The following SLC4A9 variants were observed in gnomAD, a reference collection of about 807,000 sequenced individuals.
The protein encoded by SLC4A9 is anion exchange protein 4.
SLC4A9 carries 102 observed loss-of-function variants against 103.2 expected under a neutral mutation model. The observed-to-expected ratio is 0.99, with a 90% CI of 0.84 to 1.17. The LOEUF is 1.17. SLC4A9 is among the 50% of genes most tolerant of loss of function. The pLI, the probability that SLC4A9 is intolerant of heterozygous loss-of-function variation, is 0.00. For missense variants in SLC4A9, 1,091 were observed against 1,193.7 expected (o/e 0.91, Z 1.27); for synonymous variants, 453 against 483.6 (o/e 0.94, Z 0.83).
At position 140,363,277 on chromosome 5, in the gene SLC4A9, G is replaced by A. The variant is rs1581136640; in HGVS notation, c.963-162G>A. Among the ~76,000 whole-genome samples, 1 of 152,308 alleles carries A rather than the reference G, an allele frequency of 6.6e-6. No homozygotes were observed. Among genetic ancestry groups the A allele is most frequent in the East Asian group, 1.9e-4 (1 of 5,180 alleles). ...CCCTGCCCGAGCCTGGCTTTCACAG[G>A]TCGCAATATGACCTGGACCTTCTAG... On this transcript the variant is annotated intron_variant, in intron 7 of 21. Coordinates refer to ENST00000506757, the MANE Select transcript of SLC4A9 (RefSeq NM_031467.3). This position sits in a 1 kb window ranked among gnomAD's most constrained non-coding sequence, Gnocchi z 4.5.
intron 14 of SLC4A9, among the ~76,000 whole-genome samples, chr5:140,366,633 A>G (rs1767931486): frequency 6.6e-6 from 1 of 152,248 alleles, no homozygotes; most frequent in Non-Finnish European, 1.5e-5. Context: ...AAATGACAAT[A>G]GTTCCTACCC....
intron 21 of SLC4A9, among the ~76,000 whole-genome samples, 171 bp downstream of exon 21, chr5:140,373,014 T>C (rs946307836): frequency 2.6e-5 from 4 of 152,190 alleles, no homozygotes; most frequent in Non-Finnish European, 5.9e-5. Flanking sequence ...GAAGAGTAAC[T>C]GGCAAGGGTG....
chr5:140,360,517 G>A (rs1766909274), intron 1 of SLC4A9, 51 bp downstream of exon 1: 12 of 1,493,102 alleles, frequency 8.0e-6, no homozygotes, highest in Non-Finnish European at 9.1e-6. Flanking sequence ...TCCCCAGCTG[G>A]AGCCTCCTAT....
At chr5:140,365,701 T>C in intron 12 of SLC4A9, 123 bp downstream of exon 12, 1 of 1,414,652 alleles carries the variant, frequency 7.1e-7, no homozygotes, top group Non-Finnish European at 9.8e-7. Flanking sequence ...GCTTAGCCAT[T>C]TCCTACAGCT....
At chr5:140,367,015 G>A (rs79984700) in intron 14 of SLC4A9, among the ~76,000 whole-genome samples, 1,967 of 152,310 alleles carry the variant, frequency 0.013, 33 homozygotes, top group African/African-American at 0.042. Flanking sequence ...TGTAATCAGC[G>A]TGGACACAGA....
rs1163760751 is a variant in SLC4A9, at chr5:140,374,833, A to G, written c.*52A>G. 6.6e-6 allele frequency: 1 copy of G among 152,158 alleles called. No individual in the cohort carries two copies. Among genetic ancestry groups the G allele is most frequent in the Non-Finnish European group, 1.5e-5 (1 of 68,046 alleles). The allele number at this position is 152,158 out of a possible 1,614,324, so 9.4% of individuals were successfully genotyped here. ...CCTTTGGCTTAACTTCCAGATGCTC[A>G]GTCGGCTTGGGGAAGGACTGAAGGG... On this transcript the variant is annotated 3_prime_UTR_variant, in exon 22 of 22. Transcript: ENST00000506757.
chr5:140,363,542 C>G lies in SLC4A9; in HGVS notation c.1066C>G (p.Gln356Glu), dbSNP rs1767423769. Reference protein sequence around the residue: ...HGPHAHSPELQRTGRLFGGLI... With the variant: ...HGPHAHSPELERTGRLFGGLI... ...GCCACACGCACACAGCCCGGAGTTG[C>G]AGCGGACCGGCAGGTGAGGCGAGCT... Residue 356 changes from glutamine to glutamate, a missense_variant, in exon 8 of 22, where the codon CAG (glutamine) becomes GAG (glutamate). Coordinates refer to ENST00000506757, the MANE Select transcript of SLC4A9 (RefSeq NM_031467.3). This position sits in a 1 kb window ranked among gnomAD's most constrained non-coding sequence, Gnocchi z 4.5. 6.4e-7 allele frequency: 1 copy of G among 1,552,980 alleles called. No individual in the cohort carries two copies. Among genetic ancestry groups the G allele is most frequent in the Non-Finnish European group, 8.7e-7 (1 of 1,148,186 alleles).
At chr5:140,362,286 G>A in intron 5 of SLC4A9, 112 bp downstream of exon 5, 1 of 1,311,844 alleles carries the variant, frequency 7.6e-7, no homozygotes, top group Non-Finnish European at 1.0e-6. Flanking sequence ...GGAGGATGGT[G>A]CTCAGGGGTC....
intron 10 of SLC4A9, 21 bp downstream of exon 10, chr5:140,364,208 A>G (rs758404577): frequency 1.3e-6 from 2 of 1,563,914 alleles, no homozygotes; most frequent in African/African-American, 2.7e-5. Context: ...TCCCCCCATC[A>G]CCGGACCCTC....
intron 11 of SLC4A9, among the ~76,000 whole-genome samples, 154 bp downstream of exon 11, chr5:140,364,779 A>G (rs1480438810): frequency 1.3e-5 from 2 of 152,244 alleles, no homozygotes; most frequent in Non-Finnish European, 2.9e-5. Flanking sequence ...TTCTGAATCA[A>G]TTGAGAAATA....
chr5:140,361,279 G>T lies in SLC4A9; in HGVS notation c.417G>T (p.Leu139=). 1 of 1,569,166 alleles carries T rather than the reference G, an allele frequency of 6.4e-7. No homozygotes were observed. Among genetic ancestry groups the T allele is most frequent in the Non-Finnish European group, 8.6e-7 (1 of 1,156,978 alleles). The part of the protein sequence containing the change: ...LVEQVTRVES[L]SPELRGQLQA... The stretch of plus-strand genomic sequence containing the variant: ...AGCAGGTGACCAGGGTGGAGTCGCT[G>T]AGCCCAGAGCTGAGAGGGCAGTTGC... Residue 139 remains leucine, a synonymous_variant, in exon 3 of 22, where the codon CTG becomes CTT. Coordinates refer to ENST00000506757, the MANE Select transcript of SLC4A9 (RefSeq NM_031467.3).
intron 18 of SLC4A9, 29 bp downstream of exon 18, chr5:140,371,192 GA>G: frequency 6.3e-7 from 1 of 1,582,056 alleles, no homozygotes; most frequent in Non-Finnish European, 8.6e-7. Context: ...CCTAACAAAA[GA>G]AAAAAGAAGA....
intron 18 of SLC4A9, 66 bp from the exon 19 acceptor site, chr5:140,371,385 T>C: frequency 6.3e-7 from 1 of 1,584,796 alleles, no homozygotes. Flanking sequence ...CTATGATAGC[T>C]ATCAGTGACA....
rs560296591 is a variant in SLC4A9, at chr5:140,368,776, T to A, written c.2427+117T>A. 5.3e-6 allele frequency: 4 copies of A among 760,736 alleles called. No homozygotes were observed. The Admixed American group carries it at 1.0e-4, about 20-fold the overall frequency. 47.1% of individuals were successfully genotyped at this position (760,736 alleles called of 1,614,324 possible). A position where few individuals can be genotyped will look rare whatever the true frequency, so the allele number is the denominator to read the frequency against. ...CAGGTGCTCTGTTAAGTTTTCTCCA[T>A]ACATGGTCTCATTTAATCCTCACAT... On this transcript the variant is annotated intron_variant, in intron 17 of 21. Transcript: ENST00000506757.
intron 21 of SLC4A9, among the ~76,000 whole-genome samples, chr5:140,374,550 CAAAAAAAA>C (rs70988749): frequency 4.2e-5 from 2 of 47,660 alleles, no homozygotes; most frequent in African/African-American, 1.7e-4. Context: ...AACTCCCTCT[CAAAAAAAA>C]AAAAAAAAAA....
Position 140,365,545 on chromosome 5 carries a change from A to G in SLC4A9, c.1677A>G (p.Thr559=). Reference sequence around the variant, plus strand: ...GAAATGAGTCTCAATGGATAAGGACAAGGCCAAAAGACAGAGACGACATTG... The same window carrying G: ...GAAATGAGTCTCAATGGATAAGGACGAGGCCAAAAGACAGAGACGACATTG... The part of the protein sequence containing the change: ...PGGNESQWIR[T]RPKDRDDIVS... Residue 559 remains threonine, a synonymous_variant, in exon 12 of 22, where the codon ACA becomes ACG. Coordinates refer to ENST00000506757, the MANE Select transcript of SLC4A9 (RefSeq NM_031467.3). 6.2e-7 allele frequency: 1 copy of G among 1,611,942 alleles called. No homozygotes were observed. The highest frequency in any genetic ancestry group is 8.5e-7 in the Non-Finnish European group (1 of 1,178,998).
At chr5:140,374,170 C>T (rs754122904) in intron 21 of SLC4A9, among the ~76,000 whole-genome samples, 24 of 151,346 alleles carry the variant, frequency 1.6e-4, no homozygotes, top group Non-Finnish European at 3.1e-4. Flanking sequence ...GCCTGGGCGA[C>T]GGAGCGAGAC....
At position 140,372,863 on chromosome 5, in the gene SLC4A9, G is replaced by A; in HGVS notation, c.*45+20G>A. ...CATGAGGTGAGGGTGTGAGGGAAGTGCTCCTGATGTTGAGGATGGGAGGTG... is the reference window on the plus strand; with the variant it reads ...CATGAGGTGAGGGTGTGAGGGAAGTACTCCTGATGTTGAGGATGGGAGGTG... On this transcript the variant is annotated intron_variant, in intron 21 of 21. Coordinates refer to ENST00000506757, the MANE Select transcript of SLC4A9 (RefSeq NM_031467.3). 1 of 1,412,372 alleles carries A rather than the reference G, an allele frequency of 7.1e-7. No individual in the cohort carries two copies. The highest frequency in any genetic ancestry group is 9.5e-7 in the Non-Finnish European group (1 of 1,047,248). The allele number at this position is 1,412,372 out of a possible 1,614,324, so 87.5% of individuals were successfully genotyped here.
At position 140,364,304 on chromosome 5, in the gene SLC4A9, G is replaced by A. The variant is rs1249719097; in HGVS notation, c.1389-59G>A. 3.7e-6 allele frequency: 6 copies of A among 1,605,494 alleles called. No homozygotes were observed. In the African/African-American group the frequency reaches 8.0e-5, roughly 21 times the overall value. ...TTTGGGTTGAGGGACACCTGACCTG[G>A]GTTTAGTGGGAAGCAGACAGCCCTG... On this transcript the variant is annotated intron_variant, in intron 10 of 21. Transcript: ENST00000506757.
Sources: gnomAD v4.1 joint callset for allele counts (sites outside exome capture counted in the v4.1 genomes callset) on GRCh38, gnomAD v4.1.1 for gene constraint, Gnocchi (gnomAD v3.1) non-coding constraint, MANE v1.5 for transcripts, NCBI Gene and HGNC (gene_info 2026-07-23, HGNC 2026-07-21) for gene names.